The following ZNF439 variants were observed in gnomAD, a reference collection of about 807,000 sequenced individuals.
The protein encoded by ZNF439 is zinc finger protein 439.
A neutral mutation model predicts 47.3 loss-of-function variants in ZNF439; 40 were observed. The ratio of observed to expected loss-of-function variants is 0.85; its 90% CI spans 0.66 to 1.10. The LOEUF is 1.10. Among genes scored for constraint, ZNF439 ranks in the 50% least tolerant of loss-of-function variants. The pLI, the probability that ZNF439 is intolerant of heterozygous loss-of-function variation, is 0.00. For missense variants in ZNF439, 556 were observed against 601.1 expected, an observed-to-expected ratio of 0.93 and a Z score of 0.78; for synonymous variants, 171 against 198.8, an observed-to-expected ratio of 0.86 and a Z score of 1.18.
At chr19:11,850,052 C>CT (rs1448414935) in intron 1 of ZNF439, 2 of 152,260 alleles carry the variant, frequency 1.3e-5, no homozygotes, top group Non-Finnish European at 2.9e-5. Flanking sequence ...AGTCACTTCA[C>CT]TTAGCTGGGA....
chr19:11,863,987 T>G (rs967183890), intron 1 of ZNF439, among the ~76,000 whole-genome samples: 1 of 152,024 alleles, frequency 6.6e-6, no homozygotes, highest in Non-Finnish European at 1.5e-5. Flanking sequence ...ACCTCCGGTT[T>G]TGCATTTTTA....
chr19:11,863,951 G>A (rs1432153436), intron 1 of ZNF439, among the ~76,000 whole-genome samples: 2 of 151,420 alleles, frequency 1.3e-5, no homozygotes, highest in African/African-American at 2.4e-5. Context: ...CTCGAACTGC[G>A]GGGCTCAAAT....
intron 1 of ZNF439, among the ~76,000 whole-genome samples, chr19:11,860,605 G>A (rs1976513667): frequency 1.3e-5 from 2 of 152,192 alleles, no homozygotes; most frequent in South Asian, 4.1e-4. Context: ...ACGAACGCGG[G>A]AATAAAGACA....
chr19:11,850,496 T>C (rs1976206494), intron 1 of ZNF439: 1 of 152,134 alleles, frequency 6.6e-6, no homozygotes, highest in African/African-American at 2.4e-5. Context: ...TTTGGACTTG[T>C]CAACCGGAAA....
rs768655468 is a variant in ZNF439, at chr19:11,866,295, G to T, written c.154G>T (p.Val52Leu). Residue 52 changes from valine (V) to leucine (L), a missense_variant, in exon 2 of 4, where the codon GTG (valine) becomes TTG (leucine). Coordinates refer to ENST00000682736, the MANE Select transcript of ZNF439 (RefSeq NM_001348719.2). The part of the protein sequence containing the change: ...DISQKNLYRE[V>L]MLETFWNLTS... ...TTCCCAGAAGAATCTCTACAGGGAA[G>T]TGATGCTGGAAACTTTCTGGAACCT... 5 of 1,614,166 alleles carry T rather than the reference G, an allele frequency of 3.1e-6. No individual in the cohort carries two copies. Among genetic ancestry groups the T allele is most frequent in the Admixed American group, 1.7e-5 (1 of 60,018 alleles).
intron 1 of ZNF439, among the ~76,000 whole-genome samples, chr19:11,852,748 G>C (rs1976284021): frequency 6.6e-6 from 1 of 151,456 alleles, no homozygotes; most frequent in Non-Finnish European, 1.5e-5. Context: ...GTCCTCAAGT[G>C]GTCCACCCAC....
Position 11,868,318 on chromosome 19 carries a change from A to G in ZNF439, c.1264A>G (p.Lys422Glu). The change falls in exon 4 of 4, where the codon AAA becomes GAA. Residue 422 changes from lysine to glutamate, a missense_variant. Physicochemically the swap from Lys to Glu is moderately conservative, Grantham distance 56. Transcript: ENST00000682736. ...EKPYECKQCG[K>E]AFRSAPNLQL... is the part of the protein sequence containing the mutation. ...ACCCTATGAGTGTAAGCAATGTGGG[A>G]AAGCCTTCAGATCTGCCCCAAATCT... 6.2e-7 allele frequency: 1 copy of G among 1,603,682 alleles called. No individual in the cohort carries two copies. The highest frequency in any genetic ancestry group is 2.2e-5 in the East Asian group (1 of 44,868).
chr19:11,852,931 T>C (rs945026869), intron 1 of ZNF439, among the ~76,000 whole-genome samples: 2 of 152,068 alleles, frequency 1.3e-5, no homozygotes, highest in African/African-American at 4.8e-5. Context: ...AGTAATTTTA[T>C]TTATTTATTT....
chr19:11,864,696 A>G (rs951831400), intron 1 of ZNF439, among the ~76,000 whole-genome samples: 6 of 152,216 alleles, frequency 3.9e-5, no homozygotes, highest in South Asian at 2.1e-4. Flanking sequence ...TGACAAATCT[A>G]TGTAAGTTCT....
At position 11,868,282 on chromosome 19, in the gene ZNF439, A is replaced by G. The variant is rs1263432305; in HGVS notation, c.1228A>G (p.Thr410Ala). ...GSFRYHERTH[T>A]GEKPYECKQC... The stretch of plus-strand genomic sequence containing the variant: ...CTTTCGATATCATGAAAGGACTCAC[A>G]CTGGAGAGAAACCCTATGAGTGTAA... The change falls in exon 4 of 4, where the codon ACT becomes GCT. Residue 410 changes from threonine to alanine, a missense_variant. By Grantham distance (58) the Thr-to-Ala change is moderately conservative (BLOSUM62 0). Coordinates refer to ENST00000682736, the MANE Select transcript of ZNF439 (RefSeq NM_001348719.2). The G allele has an allele frequency of 4.3e-6, 7 of 1,614,094 alleles. No individual in the cohort carries two copies. The highest frequency in any genetic ancestry group is 5.9e-6 in the Non-Finnish European group (7 of 1,180,008).
intron 1 of ZNF439, among the ~76,000 whole-genome samples, chr19:11,865,435 T>C (rs1976647419): frequency 6.7e-6 from 1 of 149,794 alleles, no homozygotes; most frequent in Admixed American, 6.8e-5. Context: ...TCTCTGCTTA[T>C]ATCTAGCATG....
At position 11,868,757 on chromosome 19, in the gene ZNF439, C is replaced by A; in HGVS notation, c.*188C>A. ...ATGAGTGTAAGCAATGTGGGAAAGT[C>A]TTCAGATCTGTCAAGAACCTTTCAA... On this transcript the variant is annotated 3_prime_UTR_variant, in exon 4 of 4. Coordinates refer to ENST00000682736, the MANE Select transcript of ZNF439 (RefSeq NM_001348719.2). 2 of 694,054 alleles carry A rather than the reference C, an allele frequency of 2.9e-6. No individual in the cohort carries two copies. The highest frequency in any genetic ancestry group is 2.6e-5 in the East Asian group (1 of 38,746). The allele number at this position is 694,054 out of a possible 1,614,324, so 43.0% of individuals were successfully genotyped here.
In ZNF439 at chr19:11,868,559, A is replaced by G. The variant is rs1976781828; in HGVS notation, c.1505A>G (p.Lys502Arg). ...TQTHKNALWR[K>R]TL Reference sequence around the variant, plus strand: ...ACACATAAGAATGCACTCTGGAGAAAGACCTTATAAATATAAGATATATGG... The same window carrying G: ...ACACATAAGAATGCACTCTGGAGAAGGACCTTATAAATATAAGATATATGG... The change falls in exon 4 of 4, where the codon AAG becomes AGG. Residue 502 changes from lysine (K) to arginine (R), a missense_variant. By Grantham distance (26) the Lys-to-Arg change is conservative. Transcript: ENST00000682736. 1 of 1,606,062 alleles carries G rather than the reference A, an allele frequency of 6.2e-7. No individual in the cohort carries two copies. Among genetic ancestry groups the G allele is most frequent in the East Asian group, 2.2e-5 (1 of 44,792 alleles).
intron 1 of ZNF439, among the ~76,000 whole-genome samples, chr19:11,865,635 A>G (rs952604687): frequency 6.9e-6 from 1 of 144,002 alleles, no homozygotes; most frequent in Non-Finnish European, 1.5e-5. Context: ...GTACTCTGTT[A>G]TGACAGGTGC....
chr19:11,863,912 C>A (rs1405403827), intron 1 of ZNF439, among the ~76,000 whole-genome samples: 1 of 152,112 alleles, frequency 6.6e-6, no homozygotes, highest in Non-Finnish European at 1.5e-5. Context: ...ATTATGGATA[C>A]AGGGTCTCAC....
intron 1 of ZNF439, among the ~76,000 whole-genome samples, chr19:11,863,676 TTGTGTTG>T (rs577044353): frequency 2.6e-5 from 4 of 152,326 alleles, no homozygotes; most frequent in African/African-American, 9.6e-5. Context: ...ATCATGTTTT[TTGTGTTG>T]TGTGTGAAAC....
At position 11,848,853 on chromosome 19, in the gene ZNF439, T is replaced by A; in HGVS notation, c.-15T>A. On this transcript the variant is annotated 5_prime_UTR_variant, in exon 1 of 4. Transcript: ENST00000682736. ...GTGCCTCTACCCAGATTTCTGTCGCTCTGTCACCTGCGCTATGCCCTGCTT... is the reference window on the plus strand; with the variant it reads ...GTGCCTCTACCCAGATTTCTGTCGCACTGTCACCTGCGCTATGCCCTGCTT... The A allele has an allele frequency of 6.4e-7, 1 of 1,552,936 alleles. No individual in the cohort carries two copies. The highest frequency in any genetic ancestry group is 8.8e-7 in the Non-Finnish European group (1 of 1,142,228).
Position 11,867,216 on chromosome 19 carries a change from G to A in ZNF439, c.252-90G>A. 3 of 1,414,582 alleles carry A rather than the reference G, an allele frequency of 2.1e-6. No individual in the cohort carries two copies. In the South Asian group the frequency reaches 4.1e-5, roughly 19 times the overall value. The allele number at this position is 1,414,582 out of a possible 1,614,324, so 87.6% of individuals were successfully genotyped here. On this transcript the variant is annotated intron_variant, in intron 3 of 3. Transcript: ENST00000682736. The stretch of plus-strand genomic sequence containing the variant: ...GGCAGAAAGCCTACACTTTGATGGA[G>A]AGTGTTAAAAATGCAAGTACAATAC...
At chr19:11,864,068 G>A (rs76365218) in intron 1 of ZNF439, among the ~76,000 whole-genome samples, 1,599 of 152,198 alleles carry the variant, frequency 0.011, 23 homozygotes, top group African/African-American at 0.037. Context: ...ATCTTCTCTT[G>A]TATATTTAGT....
Sources: allele counts gnomAD v4.1 joint callset (sites outside exome capture counted in the v4.1 genomes callset), GRCh38; gene constraint gnomAD v4.1.1; transcripts MANE v1.5; gene names NCBI Gene and HGNC (gene_info 2026-07-23, HGNC 2026-07-21).